PIGX: variants seen among roughly 807,000 people sequenced by gnomAD.
PIGX encodes phosphatidylinositol glycan anchor biosynthesis class X, also known as GPI alpha-1,4-mannosyltransferase I, stabilizing subunit.
A neutral mutation model predicts 28.7 loss-of-function variants in PIGX; 24 were observed. That is an observed-to-expected ratio of 0.84 (90% CI 0.60 to 1.17). The LOEUF (loss-of-function observed/expected upper bound fraction) is 1.17. PIGX is among the 50% of genes most tolerant of loss of function. The probability of loss-of-function intolerance (pLI) is 0.00; values close to 1 mark genes in which losing one functional copy is unlikely to be tolerated. For missense variants in PIGX, 305 were observed against 317.8 expected (o/e 0.96, Z 0.31); for synonymous variants, 127 against 121.0 (o/e 1.05, Z -0.33).
intron 2 of PIGX, among the ~76,000 whole-genome samples, chr3:196,721,919 AT>A (rs1335867520): frequency 2.6e-5 from 4 of 151,842 alleles, no homozygotes; most frequent in Admixed American, 2.0e-4. Flanking sequence ...GCCCGGCTAA[AT>A]TTTGTATTTT....
chr3:196,728,317 G>A, intron 4 of PIGX, 181 bp downstream of exon 4: 2 of 596,054 alleles, frequency 3.4e-6, no homozygotes, highest in Non-Finnish European at 6.0e-6. Context: ...TTTTATGTGT[G>A]TGCTTTAATT....
intron 5 of PIGX, among the ~76,000 whole-genome samples, chr3:196,732,256 A>ATAT (rs1438652673): frequency 4.3e-5 from 1 of 23,252 alleles, no homozygotes; most frequent in African/African-American, 1.6e-4. Flanking sequence ...ATATATATAT[A>ATAT]TTTTATTTTA....
Position 196,734,948 on chromosome 3 carries a change from G to A in PIGX, c.*1046G>A, listed in dbSNP as rs190532885. ...TTTAAACAAAGGTTCTTCATTTACT[G>A]TTATGATTGGAAAAAAATTAGAAAA... On this transcript the variant is annotated 3_prime_UTR_variant, in exon 6 of 6. Coordinates refer to ENST00000392391, the MANE Select transcript of PIGX (RefSeq NM_017861.4). The A allele has an allele frequency of 1.3e-5, 2 of 152,122 alleles. No individual in the cohort carries two copies. Among genetic ancestry groups the A allele is most frequent in the East Asian group, 1.9e-4 (1 of 5,166 alleles). 9.4% of individuals were successfully genotyped at this position (152,122 alleles called of 1,614,324 possible).
At chr3:196,715,749 G>GTC (rs1206395824) in intron 1 of PIGX, among the ~76,000 whole-genome samples, 1 of 150,582 alleles carries the variant, frequency 6.6e-6, no homozygotes, top group Non-Finnish European at 1.5e-5. Context: ...CAGTGGTGCA[G>GTC]TCTCTGCTCA....
rs1560080599 is a variant in PIGX at position 196,732,241 on chromosome 3, TATATATATATATATATTTTA to T, written c.633+1150_633+1169del. ...TTATATATATATATATATATATATA[TATATATATATATATATTTTA>T]TTTTATTTTATTTTTTTTTTTATTT... is the stretch of plus-strand genomic sequence containing the variant. On this transcript the variant is annotated intron_variant, in intron 5 of 5. Coordinates refer to ENST00000392391, the MANE Select transcript of PIGX (RefSeq NM_017861.4). Among the ~76,000 whole-genome samples the T allele has an allele frequency of 3.2e-3, 204 of 64,654 alleles. 8 individuals are homozygous for T. Among genetic ancestry groups the T allele is most frequent in the African/African-American group, 8.9e-3 (132 of 14,874 alleles). 42.4% of individuals were successfully genotyped at this position (64,654 alleles called of 152,430 possible).
At chr3:196,715,053 C>T (rs956388342) in intron 1 of PIGX, among the ~76,000 whole-genome samples, 12 of 151,858 alleles carry the variant, frequency 7.9e-5, no homozygotes, top group African/African-American at 2.9e-4. Context: ...TGCAGCCTGG[C>T]AACAGAGTGA....
rs1027018715 is a variant in PIGX, at chr3:196,733,808, C to T, written c.683C>T (p.Thr228Ile). ...GTTCCAGTGGGACTGACTGTACATACCTCTCTAGTATGTTCTGTGACTCTG... is the reference window on the plus strand; with the variant it reads ...GTTCCAGTGGGACTGACTGTACATATCTCTCTAGTATGTTCTGTGACTCTG... The change falls in exon 6 of 6, where the codon ACC becomes ATC. Residue 228 changes from threonine to isoleucine, a missense_variant. Transcript: ENST00000392391. This position sits in a 1 kb window ranked among gnomAD's most constrained non-coding sequence, Gnocchi z 4.3. 21 of 1,575,774 alleles carry T rather than the reference C, an allele frequency of 1.3e-5. No individual in the cohort carries two copies. Among genetic ancestry groups the T allele is most frequent in the Non-Finnish European group, 1.7e-5 (19 of 1,145,144 alleles).
intron 3 of PIGX, among the ~76,000 whole-genome samples, chr3:196,723,055 CTG>C (rs1249819862): frequency 2.0e-5 from 3 of 152,124 alleles, no homozygotes; most frequent in African/African-American, 7.2e-5. Context: ...TATAGGGAAA[CTG>C]AGGGCTGGGT....
At chr3:196,720,355 A>G (rs1430345559) in intron 2 of PIGX, among the ~76,000 whole-genome samples, 2 of 152,160 alleles carry the variant, frequency 1.3e-5, no homozygotes, top group Non-Finnish European at 2.9e-5. Flanking sequence ...CAGTTCCTTC[A>G]TGTTTTAGGG....
intron 3 of PIGX, among the ~76,000 whole-genome samples, chr3:196,722,760 A>G (rs1311848369): frequency 6.6e-6 from 1 of 152,202 alleles, no homozygotes; most frequent in African/African-American, 2.4e-5. Context: ...AATGCTTTTT[A>G]AGGTGGTTCA....
intron 3 of PIGX, among the ~76,000 whole-genome samples, chr3:196,726,490 A>G (rs1712527473): frequency 6.6e-6 from 1 of 152,168 alleles, no homozygotes; most frequent in South Asian, 2.1e-4. Context: ...TAGTACATAT[A>G]AAGCATAGTG....
In PIGX at chr3:196,735,599, G is replaced by A. The variant is rs1712976146; in HGVS notation, c.*1697G>A. The A allele has an allele frequency of 6.6e-6, 1 of 152,120 alleles. No homozygotes were observed. The highest frequency in any genetic ancestry group is 2.4e-5 in the African/African-American group (1 of 41,406). The allele number at this position is 152,120 out of a possible 1,614,324, so 9.4% of individuals were successfully genotyped here. ...CCCAGTGCCATAAAGCAGAAACAGT[G>A]ACCTTTAAAATGACTAAAATTTCAA... On this transcript the variant is annotated 3_prime_UTR_variant, in exon 6 of 6. Coordinates refer to ENST00000392391, the MANE Select transcript of PIGX (RefSeq NM_017861.4).
At chr3:196,718,354 A>G (rs1712184859) in intron 2 of PIGX, among the ~76,000 whole-genome samples, 1 of 151,946 alleles carries the variant, frequency 6.6e-6, no homozygotes, top group Admixed American at 6.6e-5. Flanking sequence ...TTATTTCACC[A>G]TGAAGTATAT....
intron 2 of PIGX, among the ~76,000 whole-genome samples, chr3:196,718,780 T>C (rs1201238816): frequency 1.3e-5 from 2 of 152,176 alleles, no homozygotes; most frequent in Non-Finnish European, 2.9e-5. Context: ...GTAGCATTGG[T>C]ATTATTTATT....
At chr3:196,723,834 T>G (rs1228810854) in intron 3 of PIGX, among the ~76,000 whole-genome samples, 1 of 152,026 alleles carries the variant, frequency 6.6e-6, no homozygotes, top group Non-Finnish European at 1.5e-5. Context: ...TTTATTTTAT[T>G]TTAATTGTTT....
intron 1 of PIGX, among the ~76,000 whole-genome samples, chr3:196,714,720 A>G (rs1289318726): frequency 1.3e-5 from 2 of 152,150 alleles, no homozygotes; most frequent in East Asian, 1.9e-4. Flanking sequence ...TCCCCCTCCC[A>G]AAGTGCTGGG....
Position 196,712,573 on chromosome 3 carries a change from T to C in PIGX, c.41T>C (p.Leu14Pro). ...GCGGCGGTTCGGGCGGCCGCCTGGC[T>C]GCTCCTCGGGGCGGCGACCGGGCTC... is the stretch of plus-strand genomic sequence containing the variant. Residue 14 changes from leucine to proline, a missense_variant, in exon 1 of 6, where the codon CTG becomes CCG. Physicochemically the swap from Leu to Pro is moderately conservative, Grantham distance 98 (BLOSUM62 -3). Transcript: ENST00000392391. 8.4e-7 allele frequency: 1 copy of C among 1,189,072 alleles called. No individual in the cohort carries two copies. Among genetic ancestry groups the C allele is most frequent in the South Asian group, 4.2e-5 (1 of 23,988 alleles). 73.7% of individuals were successfully genotyped at this position (1,189,072 alleles called of 1,614,324 possible). A position where few individuals can be genotyped will look rare whatever the true frequency, so the allele number is the denominator to read the frequency against.
chr3:196,724,794 G>T (rs984671789), intron 3 of PIGX, among the ~76,000 whole-genome samples: 1 of 152,114 alleles, frequency 6.6e-6, no homozygotes, highest in Admixed American at 6.6e-5. Context: ...CCAATTCCTC[G>T]TACAGAGAAA....
chr3:196,715,793 A>G (rs1233628847), intron 1 of PIGX, among the ~76,000 whole-genome samples: 1 of 151,406 alleles, frequency 6.6e-6, no homozygotes, highest in Admixed American at 6.6e-5. Context: ...GCCTCAAGCC[A>G]TGCTCCCACC....
Sources: gnomAD v4.1 joint callset for allele counts (sites outside exome capture counted in the v4.1 genomes callset) on GRCh38, gnomAD v4.1.1 for gene constraint, Gnocchi (gnomAD v3.1) non-coding constraint, MANE v1.5 for transcripts, NCBI Gene and HGNC (gene_info 2026-07-23, HGNC 2026-07-21) for gene names.